ADRA1A: variants seen among roughly 807,000 people sequenced by gnomAD.
ADRA1A encodes the protein alpha-1A adrenergic receptor.
A neutral mutation model predicts 29.6 loss-of-function variants in ADRA1A; 31 were observed. The observed-to-expected ratio is 1.05, with a 90% CI of 0.79 to 1.41. The LOEUF is 1.41. Ranked by LOEUF, ADRA1A falls within the 40% of genes most tolerant of loss-of-function variation. The pLI is 0.00. For synonymous variants in ADRA1A, 311 were observed against 254.3 expected (o/e 1.22, Z -2.12); for missense variants, 619 against 601.1 (o/e 1.03, Z -0.31).
At position 26,841,113 on chromosome 8, in the gene ADRA1A, TTGG is replaced by T. The variant is rs1476040240; in HGVS notation, c.883+22971_883+22973del. Among the ~76,000 whole-genome samples, 2 of 152,176 alleles carry T rather than the reference TTGG, an allele frequency of 1.3e-5. No homozygotes were observed. Among genetic ancestry groups the T allele is most frequent in the Non-Finnish European group, 2.9e-5 (2 of 68,044 alleles). ...CACCCTCTACCACAGTTTCCTCAGG[TTGG>T]AAATGAGAATCAAAATGCCCAACTG... On this transcript the variant is annotated intron_variant, in intron 2 of 2. Coordinates refer to ENST00000380573, the MANE Select transcript of ADRA1A (RefSeq NM_000680.4). This position sits in a 1 kb window ranked among gnomAD's most constrained non-coding sequence, Gnocchi z 4.4.
At chr8:26,786,309 A>G (rs7816755) in intron 2 of ADRA1A, among the ~76,000 whole-genome samples, 51,104 of 151,422 alleles carry the variant, frequency 0.34, 9,927 homozygotes, top group East Asian at 0.84. Context: ...GTCTTGGCTC[A>G]CTGCAACCTT....
intron 2 of ADRA1A, among the ~76,000 whole-genome samples, chr8:26,838,084 G>C (rs1811520083): frequency 1.3e-5 from 2 of 152,196 alleles, no homozygotes; most frequent in Admixed American, 1.3e-4. Context: ...GTTAAGCCAA[G>C]TAGTTGAGTA....
chr8:26,826,380 G>A (rs1044790440), intron 2 of ADRA1A, among the ~76,000 whole-genome samples: 5 of 152,198 alleles, frequency 3.3e-5, no homozygotes, highest in Non-Finnish European at 7.3e-5. Context: ...CAATGGCAGG[G>A]TCACATTATG....
At chr8:26,822,670 T>G (rs1020247415) in intron 2 of ADRA1A, among the ~76,000 whole-genome samples, 2 of 152,224 alleles carry the variant, frequency 1.3e-5, no homozygotes, top group African/African-American at 4.8e-5. Context: ...ACAGGCTGTA[T>G]TAGTCTGTTC....
Position 26,775,191 on chromosome 8 carries a change from C to T in ADRA1A, c.884-4525G>A, listed in dbSNP as rs1479363018. 6.6e-6 allele frequency among the ~76,000 whole-genome samples: 1 copy of T among 152,214 alleles called. No individual in the cohort carries two copies. Among genetic ancestry groups the T allele is most frequent in the Non-Finnish European group, 1.5e-5 (1 of 68,038 alleles). On this transcript the variant is annotated intron_variant, in intron 2 of 2. Transcript: ENST00000380573. The surrounding 1 kb of genome is among the most constrained non-coding windows in gnomAD (Gnocchi z 4.1). ...GCTGCATGAATGGCCGACCTTCTGA[C>T]AGACGGATGGACTGACTGACTGAAT...
At position 26,865,054 on chromosome 8, in the gene ADRA1A, T is replaced by G; in HGVS notation, c.-85A>C. On this transcript the variant is annotated 5_prime_UTR_variant, in exon 2 of 3. It removes the in-frame stop codon of an upstream open reading frame in the 5' UTR. Coordinates refer to ENST00000380573, the MANE Select transcript of ADRA1A (RefSeq NM_000680.4). The surrounding 1 kb of genome is among the most constrained non-coding windows in gnomAD (Gnocchi z 7.6). ...GAGGCGGGAGCGCGGGAGCCGGGAATCAAAAGGTCTCGGCTGGAGGGAGCC... is the reference window on the plus strand; with the variant it reads ...GAGGCGGGAGCGCGGGAGCCGGGAAGCAAAAGGTCTCGGCTGGAGGGAGCC... 2 of 1,515,776 alleles carry G rather than the reference T, an allele frequency of 1.3e-6. No homozygotes were observed. The highest frequency in any genetic ancestry group is 1.8e-6 in the Non-Finnish European group (2 of 1,141,970). The allele number at this position is 1,515,776 out of a possible 1,614,324, so 93.9% of individuals were successfully genotyped here.
rs1038644046 is a variant in ADRA1A at position 26,865,719 on chromosome 8, A to G, written c.-686-64T>C. 6.1e-6 allele frequency: 6 copies of G among 985,390 alleles called. No homozygotes were observed. The African/African-American group carries it at 1.0e-4, about 17-fold the overall frequency. 61.0% of individuals were successfully genotyped at this position (985,390 alleles called of 1,614,324 possible). Reference sequence around the variant, plus strand: ...CGCCCCAGGGAAAGAGGCTGTGCTGAGCTTGACGGGTTGGGGGACACCAGT... The same window carrying G: ...CGCCCCAGGGAAAGAGGCTGTGCTGGGCTTGACGGGTTGGGGGACACCAGT... On this transcript the variant is annotated intron_variant, in intron 1 of 2. Coordinates refer to ENST00000380573, the MANE Select transcript of ADRA1A (RefSeq NM_000680.4). This position sits in a 1 kb window ranked among gnomAD's most constrained non-coding sequence, Gnocchi z 7.6.
intron 2 of ADRA1A, chr8:26,772,134 T>G (rs1228783535): frequency 6.8e-6 from 1 of 147,656 alleles, no homozygotes; most frequent in Non-Finnish European, 1.5e-5. Flanking sequence ...TTTTTTTTTT[T>G]GAGTAAACCT....
At chr8:26,820,425 A>T (rs1810077529) in intron 2 of ADRA1A, among the ~76,000 whole-genome samples, 1 of 152,188 alleles carries the variant, frequency 6.6e-6, no homozygotes, top group Non-Finnish European at 1.5e-5. Context: ...TTATTACCTC[A>T]ATAGTGCTGG....
chr8:26,786,309 A>T (rs7816755), intron 2 of ADRA1A, among the ~76,000 whole-genome samples: 1 of 151,404 alleles, frequency 6.6e-6, no homozygotes, highest in East Asian at 1.9e-4. Flanking sequence ...GTCTTGGCTC[A>T]CTGCAACCTT....
chr8:26,751,741 GCAA>G (rs1323225013), downstream of ADRA1A, among the ~76,000 whole-genome samples: 2 of 152,202 alleles, frequency 1.3e-5, no homozygotes, highest in African/African-American at 4.8e-5. Context: ...AACAGCAATT[GCAA>G]CAACAACACC....
rs541659520 is a variant in ADRA1A at position 26,795,361 on chromosome 8, G to A, written c.884-24695C>T. ...AATGAGTTTCAATTAGTAAAATCTC[G>A]ATGCTGGGGGAAAATAAACCTTTAT... On this transcript the variant is annotated intron_variant, in intron 2 of 2. Transcript: ENST00000380573. Among the ~76,000 whole-genome samples, 11 of 152,210 alleles carry A rather than the reference G, an allele frequency of 7.2e-5. No homozygotes were observed. The South Asian group carries it at 1.7e-3, about 23-fold the overall frequency.
rs891967852 is a variant in ADRA1A at position 26,860,049 on chromosome 8, G to A, written c.883+4038C>T. On this transcript the variant is annotated intron_variant, in intron 2 of 2. Transcript: ENST00000380573. This position sits in a 1 kb window ranked among gnomAD's most constrained non-coding sequence, Gnocchi z 4.7. Reference sequence around the variant, plus strand: ...CCCAAAGTGCTGGGATTAGAGGCATGAGCCACCGCGCCTGGCACCTCACTA... The same window carrying A: ...CCCAAAGTGCTGGGATTAGAGGCATAAGCCACCGCGCCTGGCACCTCACTA... Among the ~76,000 whole-genome samples the A allele has an allele frequency of 1.3e-5, 2 of 152,128 alleles. No individual in the cohort carries two copies. The highest frequency in any genetic ancestry group is 2.9e-5 in the Non-Finnish European group (2 of 68,020).
rs572695570 is a variant in ADRA1A at position 26,821,927 on chromosome 8, C to T, written c.883+42160G>A. Among the ~76,000 whole-genome samples, 230 of 152,292 alleles carry T rather than the reference C, an allele frequency of 1.5e-3. 1 individual carries two copies. The highest frequency in any genetic ancestry group is 2.5e-3 in the Non-Finnish European group (169 of 68,012). ...TTCATCTAGAGAATGTTGCACATATCAATAGCTTGCTATTTTTTATTGCTA... is the reference window on the plus strand; with the variant it reads ...TTCATCTAGAGAATGTTGCACATATTAATAGCTTGCTATTTTTTATTGCTA... On this transcript the variant is annotated intron_variant, in intron 2 of 2. Coordinates refer to ENST00000380573, the MANE Select transcript of ADRA1A (RefSeq NM_000680.4). This position sits in a 1 kb window ranked among gnomAD's most constrained non-coding sequence, Gnocchi z 5.6.
chr8:26,833,945 AAGG>A (rs1354148479), intron 2 of ADRA1A, among the ~76,000 whole-genome samples: 14 of 152,234 alleles, frequency 9.2e-5, no homozygotes, highest in African/African-American at 3.1e-4. Context: ...ATGTATTGAG[AAGG>A]AGGAGGAGCA....
intron 2 of ADRA1A, among the ~76,000 whole-genome samples, chr8:26,826,672 T>G (rs1353847813): frequency 6.6e-6 from 1 of 152,186 alleles, no homozygotes; most frequent in East Asian, 1.9e-4. Flanking sequence ...ATCCAGCATG[T>G]GCCACCTTGC....
chr8:26,818,467 GAAC>G (rs1337289945), intron 2 of ADRA1A, among the ~76,000 whole-genome samples: 1 of 152,008 alleles, frequency 6.6e-6, no homozygotes, highest in African/African-American at 2.4e-5. Flanking sequence ...TCCTACACGT[GAAC>G]AATAGACCCA....
rs1341556413 is a variant in ADRA1A at position 26,860,585 on chromosome 8, T to A, written c.883+3502A>T. Among the ~76,000 whole-genome samples the A allele has an allele frequency of 6.6e-6, 1 of 152,204 alleles. No individual in the cohort carries two copies. The highest frequency in any genetic ancestry group is 1.5e-5 in the Non-Finnish European group (1 of 68,032). On this transcript the variant is annotated intron_variant, in intron 2 of 2. Coordinates refer to ENST00000380573, the MANE Select transcript of ADRA1A (RefSeq NM_000680.4). This position sits in a 1 kb window ranked among gnomAD's most constrained non-coding sequence, Gnocchi z 4.7. ...TGTCCCACTCTCAAAGATGAATCTT[T>A]CACACCTTCTCTGAGGCTAAAACTG...
chr8:26,753,132 A>G (rs1804994151), downstream of ADRA1A, among the ~76,000 whole-genome samples: 1 of 152,224 alleles, frequency 6.6e-6, no homozygotes, highest in Non-Finnish European at 1.5e-5. Flanking sequence ...TGAGGCTTTC[A>G]GGTTCTGAGC....
Sources: allele counts gnomAD v4.1 joint callset (sites outside exome capture counted in the v4.1 genomes callset), GRCh38; gene constraint gnomAD v4.1.1; non-coding constraint Gnocchi (gnomAD v3.1); transcripts MANE v1.5; gene names NCBI Gene and HGNC (gene_info 2026-07-23, HGNC 2026-07-21).